The following NEK11 variants were observed in gnomAD, a reference collection of about 807,000 sequenced individuals.
NEK11 encodes serine/threonine-protein kinase Nek11.
NEK11 carries 72 observed loss-of-function variants against 80.7 expected under a neutral mutation model. That is an observed-to-expected ratio of 0.89 (90% CI 0.74 to 1.08). The LOEUF (loss-of-function observed/expected upper bound fraction) is 1.08. Among genes scored for constraint, NEK11 ranks in the 50% least tolerant of loss-of-function variants. NEK11 has a pLI of 0.00. For missense variants in NEK11, 764 were observed against 763.6 expected (o/e 1.00, Z -0.01); for synonymous variants, 251 against 260.7 (o/e 0.96, Z 0.36).
intron 5 of NEK11, among the ~76,000 whole-genome samples, chr3:131,126,946 T>C (rs1450976419): frequency 4.3e-5 from 5 of 117,374 alleles, no homozygotes; most frequent in African/African-American, 1.6e-4. Context: ...GTTTTCTTTT[T>C]CTTTCTTTCT....
rs776495361 is a variant in NEK11 at position 131,152,432 on chromosome 3, C to T, written c.692C>T (p.Ala231Val). 20 of 1,613,624 alleles carry T rather than the reference C, an allele frequency of 1.2e-5. No homozygotes were observed. The highest frequency in any genetic ancestry group is 1.7e-5 in the Non-Finnish European group (20 of 1,179,788). Residue 231 changes from alanine to valine, a missense_variant, in exon 8 of 18, where the codon GCA becomes GTA. Transcript: ENST00000383366. ...ILYEMCCMNH[A>V]FAGSNFLSIV... Reference sequence around the variant, plus strand: ...TATGAGATGTGCTGCATGAATCATGCATTCGCTGGCTCCAATTTCTTATCC... The same window carrying T: ...TATGAGATGTGCTGCATGAATCATGTATTCGCTGGCTCCAATTTCTTATCC...
In NEK11 at chr3:131,152,616, G is replaced by A; in HGVS notation, c.798-15G>A. The A allele has an allele frequency of 6.2e-7, 1 of 1,609,628 alleles. No individual in the cohort carries two copies. The highest frequency in any genetic ancestry group is 8.5e-7 in the Non-Finnish European group (1 of 1,178,250). Reference sequence around the variant, plus strand: ...TAGTTTACCTGAAAAATAATTTTCTGTTTAAACATTACAGCATGTTGAACA... The same window carrying A: ...TAGTTTACCTGAAAAATAATTTTCTATTTAAACATTACAGCATGTTGAACA... On this transcript the variant is annotated splice_polypyrimidine_tract_variant and intron_variant, in intron 8 of 17. Coordinates refer to ENST00000383366, the MANE Select transcript of NEK11 (RefSeq NM_024800.5).
At chr3:131,102,994 G>T (rs1028998499) in intron 4 of NEK11, among the ~76,000 whole-genome samples, 1 of 152,120 alleles carries the variant, frequency 6.6e-6, no homozygotes, top group African/African-American at 2.4e-5. Context: ...AATTCTTGTA[G>T]TCAATTTTTC....
chr3:131,107,974 G>A (rs1262477333), intron 4 of NEK11, among the ~76,000 whole-genome samples: 1 of 152,082 alleles, frequency 6.6e-6, no homozygotes, highest in African/African-American at 2.4e-5. Flanking sequence ...AGAAATAAAG[G>A]CAGGTTTGAA....
At chr3:131,304,404 T>A (rs2096699597) in intron 17 of NEK11, among the ~76,000 whole-genome samples, 2 of 152,194 alleles carry the variant, frequency 1.3e-5, no homozygotes, top group African/African-American at 4.8e-5. Flanking sequence ...TCTACGTCTG[T>A]CATTTCAGCC....
intron 12 of NEK11, 73 bp from the exon 13 acceptor site, chr3:131,168,757 G>A: frequency 9.6e-7 from 1 of 1,038,154 alleles, no homozygotes; most frequent in East Asian, 2.5e-5. Flanking sequence ...CCTCCTGAAA[G>A]CAGCACTTCA....
At chr3:131,331,552 T>A (rs190176151) in intron 17 of NEK11, among the ~76,000 whole-genome samples, 5 of 152,360 alleles carry the variant, frequency 3.3e-5, no homozygotes, top group Admixed American at 6.5e-5. Flanking sequence ...GGGTGATTTC[T>A]GCATTTCCAT....
chr3:131,180,616 T>C (rs969303975), intron 14 of NEK11, among the ~76,000 whole-genome samples: 10 of 152,216 alleles, frequency 6.6e-5, no homozygotes, highest in African/African-American at 2.4e-4. Flanking sequence ...CAGGCGTATT[T>C]GTTACAGCAG....
intron 7 of NEK11, among the ~76,000 whole-genome samples, chr3:131,139,353 G>GAAAAAAAAAA (rs71622003): frequency 1.7e-3 from 183 of 106,834 alleles, no homozygotes; most frequent in Middle Eastern, 9.3e-3. Flanking sequence ...AGAGAAAAAA[G>GAAAAAAAAAA]AAAAAAAAAA....
In NEK11 at chr3:131,272,463, C is replaced by CTTTTTTTTTTTTTTTTT; in HGVS notation, c.1622-1001_1622-985dup. ...CTTGCTAATGGGCCAGTTTTAGCTT[C>CTTTTTTTTTTTTTTTTT]TTTTTTTTTTTTTTTTTTTTTTTTT... On this transcript the variant is annotated intron_variant, in intron 16 of 17. Coordinates refer to ENST00000383366, the MANE Select transcript of NEK11 (RefSeq NM_024800.5). 3.9e-3 allele frequency among the ~76,000 whole-genome samples: 171 copies of CTTTTTTTTTTTTTTTTT among 43,900 alleles called. 31 individuals are homozygous for CTTTTTTTTTTTTTTTTT. Among genetic ancestry groups the CTTTTTTTTTTTTTTTTT allele is most frequent in the African/African-American group, 7.1e-3 (78 of 11,042 alleles). The allele number at this position is 43,900 out of a possible 152,430, so 28.8% of individuals were successfully genotyped here.
chr3:131,197,017 G>A lies in NEK11; in HGVS notation c.1399+26130G>A, dbSNP rs552287555. On this transcript the variant is annotated intron_variant, in intron 14 of 17. Coordinates refer to ENST00000383366, the MANE Select transcript of NEK11 (RefSeq NM_024800.5). ...TGTGTTCTCAGGCGATAGATGATTG[G>A]CTATTTCTTTACCTCCTGTTTTAGC... Among the ~76,000 whole-genome samples, 4 of 152,110 alleles carry A rather than the reference G, an allele frequency of 2.6e-5. No homozygotes were observed. In the South Asian group the frequency reaches 8.3e-4, roughly 32 times the overall value.
intron 14 of NEK11, among the ~76,000 whole-genome samples, chr3:131,175,319 A>G (rs1401664630): frequency 1.3e-5 from 2 of 152,202 alleles, no homozygotes; most frequent in Admixed American, 6.5e-5. Context: ...AGTTTTATTC[A>G]TAAGTACTCA....
chr3:131,257,017 C>T (rs2108397235), intron 16 of NEK11, among the ~76,000 whole-genome samples: 1 of 152,166 alleles, frequency 6.6e-6, no homozygotes, highest in African/African-American at 2.4e-5. Flanking sequence ...CAGGGTCTCA[C>T]TCTATTGCCT....
chr3:131,055,493 T>C (rs2069291469), intron 3 of NEK11, among the ~76,000 whole-genome samples: 1 of 152,144 alleles, frequency 6.6e-6, no homozygotes, highest in African/African-American at 2.4e-5. Context: ...CTTAGCACTT[T>C]GGGAGGCTGA....
chr3:131,320,342 T>C lies in NEK11; in HGVS notation c.1719-29215T>C, dbSNP rs1314998330. Among the ~76,000 whole-genome samples the C allele has an allele frequency of 3.9e-5, 6 of 152,146 alleles. No homozygotes were observed. In the East Asian group the frequency reaches 1.2e-3, roughly 29 times the overall value. ...TGCAGAATTAGAAGTCAGGAGTAAATGTGGACAAGGAGATCCAGCAAACTA... is the reference window on the plus strand; with the variant it reads ...TGCAGAATTAGAAGTCAGGAGTAAACGTGGACAAGGAGATCCAGCAAACTA... On this transcript the variant is annotated intron_variant, in intron 17 of 17. Transcript: ENST00000383366.
chr3:131,136,922 A>G (rs1181023628), intron 7 of NEK11, among the ~76,000 whole-genome samples: 2 of 152,216 alleles, frequency 1.3e-5, no homozygotes, highest in Non-Finnish European at 2.9e-5. Context: ...ATAAAGGACA[A>G]TATTATTTGA....
At chr3:131,098,821 A>T (rs113665398) in intron 4 of NEK11, among the ~76,000 whole-genome samples, 24 of 145,940 alleles carry the variant, frequency 1.6e-4, no homozygotes, top group Non-Finnish European at 4.6e-5. Context: ...GCCTACTTTT[A>T]AATGTTTTTT....
In NEK11 at chr3:131,045,894, A is replaced by G. The variant is rs535812418; in HGVS notation, c.170+16016A>G. ...GTCCTTTTTAACTGCTGTTGTTTTA[A>G]AGTTTGTTTTGTCTGATATAAGAAT... On this transcript the variant is annotated intron_variant, in intron 3 of 17. Transcript: ENST00000383366. Among the ~76,000 whole-genome samples, 3 of 151,960 alleles carry G rather than the reference A, an allele frequency of 2.0e-5. No individual in the cohort carries two copies. In the East Asian group the frequency reaches 5.8e-4, roughly 29 times the overall value.
rs551904980 is a variant in NEK11 at position 131,235,462 on chromosome 3, T to A, written c.1560+6774T>A. On this transcript the variant is annotated intron_variant, in intron 15 of 17. Coordinates refer to ENST00000383366, the MANE Select transcript of NEK11 (RefSeq NM_024800.5). ...TTTGTGATCAGAAATTTATTTTAAT[T>A]TTCTGAATATTTCATTCACCTAGAC... Among the ~76,000 whole-genome samples, 66 of 152,298 alleles carry A rather than the reference T, an allele frequency of 4.3e-4. 1 individual carries two copies. The highest frequency in any genetic ancestry group is 1.5e-3 in the African/African-American group (64 of 41,554).
Sources: allele counts gnomAD v4.1 joint callset (sites outside exome capture counted in the v4.1 genomes callset), GRCh38; gene constraint gnomAD v4.1.1; transcripts MANE v1.5; gene names NCBI Gene and HGNC (gene_info 2026-07-23, HGNC 2026-07-21).